ENOX2: variants seen among roughly 807,000 people sequenced by gnomAD.
ENOX2 encodes the protein APK1 antigen.
Under a neutral mutation model 45.0 loss-of-function variants are expected in ENOX2, and 36 were observed. The ratio of observed to expected loss-of-function variants is 0.80; its 90% CI spans 0.61 to 1.06. ENOX2 has a LOEUF of 1.06. ENOX2 is among the 50% of genes least tolerant of loss of function. The pLI is 0.00. For missense variants in ENOX2, 423 were observed against 462.5 expected (o/e 0.91, Z 0.78); for synonymous variants, 174 against 152.3 (o/e 1.14, Z -1.05).
At chrX:130,685,620 G>T (rs972107219) in intron 5 of ENOX2, among the ~76,000 whole-genome samples, 2 of 112,283 alleles carry the variant, frequency 1.8e-5, no homozygotes, top group African/African-American at 6.5e-5. Context: ...CTGTGTGAGG[G>T]AAAGAAATCC....
intron 2 of ENOX2, among the ~76,000 whole-genome samples, chrX:130,896,499 GCT>G (rs1434118114): frequency 3.6e-5 from 4 of 111,055 alleles, no homozygotes; most frequent in African/African-American, 1.3e-4. Context: ...GTGCTTGCTT[GCT>G]CTCTCTCTCC....
intron 3 of ENOX2, among the ~76,000 whole-genome samples, chrX:130,769,866 CTT>C (rs1444686125): frequency 1.8e-5 from 2 of 112,267 alleles, no homozygotes; most frequent in Non-Finnish European, 3.8e-5. Context: ...GATTAGCAAA[CTT>C]TTTATTTCTT....
chrX:130,627,524 T>C (rs2035578708), intron 14 of ENOX2, among the ~76,000 whole-genome samples: 1 of 111,088 alleles, frequency 9.0e-6, no homozygotes, highest in East Asian at 2.8e-4. Flanking sequence ...GAGGCTACAG[T>C]GAGCTGTGAT....
At position 130,843,510 on chromosome X, in the gene ENOX2, C is replaced by T. The variant is rs185609469; in HGVS notation, c.-183+58174G>A. On this transcript the variant is annotated intron_variant, in intron 2 of 14. Transcript: ENST00000394363. Reference sequence around the variant, plus strand: ...TCTTTATTGTTCATAGACTGCAGAACTTCAAACTTCCTGGCATGGTAAATA... The same window carrying T: ...TCTTTATTGTTCATAGACTGCAGAATTTCAAACTTCCTGGCATGGTAAATA... Among the ~76,000 whole-genome samples the T allele has an allele frequency of 2.6e-4, 29 of 111,356 alleles. No individual in the cohort carries two copies. The East Asian group carries it at 7.1e-3, about 27-fold the overall frequency.
intron 2 of ENOX2, among the ~76,000 whole-genome samples, chrX:130,839,998 T>C (rs1176809710): frequency 9.0e-6 from 1 of 111,590 alleles, no homozygotes; most frequent in Non-Finnish European, 1.9e-5. Context: ...CTACTCTTTT[T>C]TACAATCCTC....
At chrX:130,710,823 T>C (rs1485872318) in intron 3 of ENOX2, among the ~76,000 whole-genome samples, 2 of 111,886 alleles carry the variant, frequency 1.8e-5, no homozygotes, top group Admixed American at 9.5e-5. Flanking sequence ...GCTTTCAGCA[T>C]GGTTACTTCT....
chrX:130,749,736 A>G (rs2039171408), intron 3 of ENOX2, among the ~76,000 whole-genome samples: 1 of 110,988 alleles, frequency 9.0e-6, no homozygotes, highest in Non-Finnish European at 1.9e-5. Flanking sequence ...TGTAGTAGTG[A>G]TGGTGGGGCC....
chrX:130,841,806 C>G (rs1569312063), intron 2 of ENOX2, among the ~76,000 whole-genome samples: 1 of 111,891 alleles, frequency 8.9e-6, no homozygotes, highest in Non-Finnish European at 1.9e-5. Context: ...TAGAATACAT[C>G]AAGAAGAAGA....
At chrX:130,717,534 G>A (rs1161127314) in intron 3 of ENOX2, among the ~76,000 whole-genome samples, 1 of 112,119 alleles carries the variant, frequency 8.9e-6, no homozygotes, top group Non-Finnish European at 1.9e-5. Context: ...TAACTCATAT[G>A]TCACTGGGAG....
intron 2 of ENOX2, among the ~76,000 whole-genome samples, chrX:130,861,460 C>G (rs1205401807): frequency 8.9e-6 from 1 of 111,734 alleles, no homozygotes; most frequent in Admixed American, 9.5e-5. Flanking sequence ...GGAATCCCGG[C>G]ATTTGCAGCA....
At chrX:130,689,841 T>C (rs1044487243) in intron 4 of ENOX2, among the ~76,000 whole-genome samples, 1 of 111,806 alleles carries the variant, frequency 8.9e-6, no homozygotes, top group Non-Finnish European at 1.9e-5. Context: ...AACAAGTATT[T>C]TTTGTGGGGC....
intron 2 of ENOX2, among the ~76,000 whole-genome samples, chrX:130,838,917 C>G: frequency 8.9e-6 from 1 of 111,752 alleles, no homozygotes; most frequent in African/African-American, 3.2e-5. Flanking sequence ...CACTGGCCTG[C>G]TCCTGTAGCT....
intron 2 of ENOX2, among the ~76,000 whole-genome samples, chrX:130,829,087 T>G (rs745533233): frequency 1.8e-5 from 2 of 111,865 alleles, no homozygotes; most frequent in Non-Finnish European, 3.8e-5. Flanking sequence ...TACTGGCTGA[T>G]CCTGCTCCTA....
At chrX:130,770,435 C>G (rs1398556994) in intron 3 of ENOX2, among the ~76,000 whole-genome samples, 1 of 111,714 alleles carries the variant, frequency 9.0e-6, no homozygotes, top group African/African-American at 3.3e-5. Context: ...AGGGAAGTAA[C>G]TTTATAAAAC....
chrX:130,858,822 A>T (rs2078359279), intron 2 of ENOX2, among the ~76,000 whole-genome samples: 1 of 112,071 alleles, frequency 8.9e-6, no homozygotes, highest in Non-Finnish European at 1.9e-5. Context: ...TAGAATTTTA[A>T]ATTGAAGAAT....
At chrX:130,865,382 C>T (rs1403229647) in intron 2 of ENOX2, among the ~76,000 whole-genome samples, 1 of 111,750 alleles carries the variant, frequency 8.9e-6, no homozygotes, top group Non-Finnish European at 1.9e-5. Context: ...CAAGGCTAAA[C>T]GATCTACCTC....
intron 2 of ENOX2, among the ~76,000 whole-genome samples, chrX:130,889,524 T>A (rs2078954183): frequency 9.0e-6 from 1 of 110,616 alleles, no homozygotes; most frequent in South Asian, 3.9e-4. Flanking sequence ...TAACAGGTAA[T>A]TGGTAGCTAA....
At chrX:130,861,398 C>A (rs995059562) in intron 2 of ENOX2, among the ~76,000 whole-genome samples, 1 of 111,388 alleles carries the variant, frequency 9.0e-6, no homozygotes, top group Admixed American at 9.6e-5. Context: ...TACATACACA[C>A]ACACACACAA....
At chrX:130,714,887 G>C (rs1569491990) in intron 3 of ENOX2, among the ~76,000 whole-genome samples, 1 of 111,543 alleles carries the variant, frequency 9.0e-6, no homozygotes, top group Non-Finnish European at 1.9e-5. Flanking sequence ...GGAGCACTGA[G>C]GAAGTGATGT....
Sources: allele counts gnomAD v4.1 joint callset (sites outside exome capture counted in the v4.1 genomes callset), GRCh38; gene constraint gnomAD v4.1.1; transcripts MANE v1.5; gene names NCBI Gene and HGNC (gene_info 2026-07-23, HGNC 2026-07-21).